HRH1: variants seen among roughly 807,000 people sequenced by gnomAD.
HRH1 encodes the protein histamine receptor H1.
In HRH1, 6 loss-of-function variants were observed where a neutral mutation model predicts 10.3. The observed-to-expected ratio is 0.58, with a 90% CI of 0.32 to 1.15. The LOEUF (loss-of-function observed/expected upper bound fraction) is 1.15. Ranked by LOEUF, HRH1 falls within the 50% of genes most tolerant of loss-of-function variation. The pLI, the probability that HRH1 is intolerant of heterozygous loss-of-function variation, is 0.05. For missense variants in HRH1, 514 were observed against 615.3 expected (o/e 0.84, Z 1.74); for synonymous variants, 242 against 236.7 (o/e 1.02, Z -0.21).
At chr3:11,234,506 A>T in intron 1 of HRH1, 1 of 1,459,602 alleles carries the variant, frequency 6.9e-7, no homozygotes, top group Admixed American at 1.7e-5. Context: ...GCCGCTGGCC[A>T]TTCCCCCAAG....
At chr3:11,222,415 T>C (rs1174110018) in intron 1 of HRH1, among the ~76,000 whole-genome samples, 1 of 152,218 alleles carries the variant, frequency 6.6e-6, no homozygotes, top group Non-Finnish European at 1.5e-5. Context: ...TCCCAGGTGT[T>C]GTGTGGAATT....
intron 1 of HRH1, among the ~76,000 whole-genome samples, chr3:11,188,323 C>T (rs897019045): frequency 9.2e-5 from 14 of 152,120 alleles, no homozygotes; most frequent in Non-Finnish European, 1.6e-4. Context: ...AGAATCAGGC[C>T]AGGTGAGGTG....
At chr3:11,220,609 C>T (rs994272136) in intron 1 of HRH1, among the ~76,000 whole-genome samples, 1 of 152,168 alleles carries the variant, frequency 6.6e-6, no homozygotes, top group African/African-American at 2.4e-5. Context: ...TTTCCGTCAT[C>T]CTGTGCAGGG....
intron 1 of HRH1, among the ~76,000 whole-genome samples, chr3:11,251,288 C>T (rs1405783730): frequency 6.6e-6 from 1 of 152,196 alleles, no homozygotes; most frequent in African/African-American, 2.4e-5. Flanking sequence ...TGTAAGTTCT[C>T]TAGTACTTGG....
rs139012733 is a variant in HRH1, at chr3:11,236,214, G to A, written c.-35-22789G>A. On this transcript the variant is annotated intron_variant, in intron 1 of 1. Coordinates refer to ENST00000431010, the MANE Select transcript of HRH1 (RefSeq NM_001098212.2). Reference sequence around the variant, plus strand: ...AATCTCAGCACTTTGGGAGACTGAGGCAAGTGGATCGTTTGAGACCAGCCT... The same window carrying A: ...AATCTCAGCACTTTGGGAGACTGAGACAAGTGGATCGTTTGAGACCAGCCT... Among the ~76,000 whole-genome samples, 41 of 152,306 alleles carry A rather than the reference G, an allele frequency of 2.7e-4. No individual in the cohort carries two copies. In the Middle Eastern group the frequency reaches 0.01, roughly 38 times the overall value.
At chr3:11,141,662 A>T (rs985356536) in intron 1 of HRH1, among the ~76,000 whole-genome samples, 1 of 152,186 alleles carries the variant, frequency 6.6e-6, no homozygotes, top group African/African-American at 2.4e-5. Flanking sequence ...TAGGTGATAT[A>T]AGAGACCAAA....
chr3:11,194,808 C>T (rs1937611267), intron 1 of HRH1, among the ~76,000 whole-genome samples: 1 of 152,170 alleles, frequency 6.6e-6, no homozygotes, highest in Non-Finnish European at 1.5e-5. Flanking sequence ...GAGCGCGACT[C>T]TGTCTCAAAA....
chr3:11,220,529 CT>C, intron 1 of HRH1, among the ~76,000 whole-genome samples: 1 of 152,354 alleles, frequency 6.6e-6, no homozygotes, highest in African/African-American at 2.4e-5. Flanking sequence ...CGGTGTGGAG[CT>C]GCAGGGCTGC....
intron 1 of HRH1, among the ~76,000 whole-genome samples, chr3:11,180,791 G>A (rs752318452): frequency 2.4e-4 from 36 of 152,074 alleles, no homozygotes; most frequent in Non-Finnish European, 1.9e-4. Context: ...TACTTTACTT[G>A]TATTTATTGC....
In HRH1 at chr3:11,159,722, A is replaced by G. The variant is rs557303485; in HGVS notation, c.-36+5168A>G. Among the ~76,000 whole-genome samples, 6 of 152,352 alleles carry G rather than the reference A, an allele frequency of 3.9e-5. No individual in the cohort carries two copies. In the East Asian group the frequency reaches 1.2e-3, roughly 29 times the overall value. On this transcript the variant is annotated intron_variant, in intron 1 of 1. Coordinates refer to ENST00000431010, the MANE Select transcript of HRH1 (RefSeq NM_001098212.2). ...GCTGGCCTCACAAAATGATGTGGGC[A>G]AGAGTCCCACTTTTCTGTTCTCTGG...
intron 1 of HRH1, among the ~76,000 whole-genome samples, chr3:11,248,583 C>T (rs1468984928): frequency 6.6e-6 from 1 of 152,228 alleles, no homozygotes; most frequent in Non-Finnish European, 1.5e-5. Flanking sequence ...CCCACAATAT[C>T]ACCACACATC....
At chr3:11,221,725 G>A (rs1490920579) in intron 1 of HRH1, among the ~76,000 whole-genome samples, 1 of 151,900 alleles carries the variant, frequency 6.6e-6, no homozygotes, top group East Asian at 1.9e-4. Context: ...CTGAAATTCT[G>A]TACCCATTAA....
At chr3:11,254,983 A>G (rs370439778) in intron 1 of HRH1, among the ~76,000 whole-genome samples, 88 of 152,214 alleles carry the variant, frequency 5.8e-4, no homozygotes, top group African/African-American at 2.1e-3. Context: ...AATAGGGTCT[A>G]TTAGGTGGGA....
chr3:11,143,663 T>C (rs1936340281), intron 1 of HRH1, among the ~76,000 whole-genome samples: 1 of 152,304 alleles, frequency 6.6e-6, no homozygotes, highest in East Asian at 1.9e-4. Flanking sequence ...AGTAGATGAA[T>C]GGTGACCCCT....
At chr3:11,216,829 G>A (rs1177006432) in intron 1 of HRH1, among the ~76,000 whole-genome samples, 1 of 151,404 alleles carries the variant, frequency 6.6e-6, no homozygotes, top group Non-Finnish European at 1.5e-5. Context: ...GCAGGGAGCC[G>A]AGGTTGTACC....
intron 1 of HRH1, among the ~76,000 whole-genome samples, chr3:11,250,189 C>A (rs1376343681): frequency 6.7e-6 from 1 of 149,652 alleles, no homozygotes; most frequent in African/African-American, 2.5e-5. Flanking sequence ...ACTATAGGCG[C>A]CGCCACCACA....
At position 11,260,393 on chromosome 3, in the gene HRH1, CA is replaced by C. The variant is rs1391642550; in HGVS notation, c.1357del (p.Thr453ProfsTer11). The C allele has an allele frequency of 6.2e-7, 1 of 1,614,096 alleles. No homozygotes were observed. The highest frequency in any genetic ancestry group is 8.5e-7 in the Non-Finnish European group (1 of 1,180,042). On this transcript the variant is annotated frameshift_variant, in exon 2 of 2. Transcript: ENST00000431010. LOFTEE classifies it high-confidence loss of function. ...NCCNEHLHMF[T>X]IWLGYINSTL... ...GTTGCAATGAACATTTGCACATGTT[CA>C]CCATCTGGCTGGGCTACATCAACTC...
chr3:11,156,156 C>T (rs1936786347), intron 1 of HRH1, among the ~76,000 whole-genome samples: 1 of 152,174 alleles, frequency 6.6e-6, no homozygotes, highest in Non-Finnish European at 1.5e-5. Flanking sequence ...TGTAAATCCT[C>T]GAGTGTGATT....
At chr3:11,251,545 A>G (rs1939650564) in intron 1 of HRH1, among the ~76,000 whole-genome samples, 1 of 152,094 alleles carries the variant, frequency 6.6e-6, no homozygotes, top group Admixed American at 6.5e-5. Flanking sequence ...TTTCCCTTTT[A>G]TTACTTGAGA....
Sources: gnomAD v4.1 joint callset for allele counts (sites outside exome capture counted in the v4.1 genomes callset) on GRCh38, gnomAD v4.1.1 for gene constraint, MANE v1.5 for transcripts, NCBI Gene and HGNC (gene_info 2026-07-23, HGNC 2026-07-21) for gene names.